CPN1: variants seen among roughly 807,000 people sequenced by gnomAD.
CPN1 encodes the protein carboxypeptidase N catalytic chain.
CPN1 carries 37 observed loss-of-function variants against 46.4 expected under a neutral mutation model. The observed-to-expected ratio is 0.80, with a 90% CI of 0.61 to 1.05. CPN1 has a LOEUF of 1.05. CPN1 is among the 50% of genes least tolerant of loss of function. The pLI is 0.00. For missense variants in CPN1, 563 were observed against 602.6 expected (o/e 0.93, Z 0.69); for synonymous variants, 224 against 235.4 (o/e 0.95, Z 0.44).
intron 8 of CPN1, 116 bp downstream of exon 8, chr10:100,048,642 T>C: frequency 1.2e-6 from 1 of 814,932 alleles, no homozygotes. Context: ...GAGGCTGCAG[T>C]GAGCCACAGT....
Position 100,056,252 on chromosome 10 carries a change from T to C in CPN1, c.1011+761A>G, listed in dbSNP as rs77821833. Among the ~76,000 whole-genome samples, 475 of 152,348 alleles carry C rather than the reference T, an allele frequency of 3.1e-3. 12 individuals carry two copies. In the East Asian group the frequency reaches 0.056, roughly 18 times the overall value. On this transcript the variant is annotated intron_variant, in intron 6 of 8. Transcript: ENST00000370418. ...GCATTTCCCTAATGATTAGTGGTGCTGAGCATTTTTCATATTCTTTTTGTT... is the reference window on the plus strand; with the variant it reads ...GCATTTCCCTAATGATTAGTGGTGCCGAGCATTTTTCATATTCTTTTTGTT...
chr10:100,059,478 G>A (rs1359838622), intron 5 of CPN1, among the ~76,000 whole-genome samples: 1 of 151,016 alleles, frequency 6.6e-6, no homozygotes, highest in Non-Finnish European at 1.5e-5. Flanking sequence ...TCCAAAGAAG[G>A]TATATAAATA....
In CPN1 at chr10:100,054,559, G is replaced by A. The variant is rs1564771839; in HGVS notation, c.1012-113C>T. 3.6e-6 allele frequency: 3 copies of A among 832,464 alleles called. No homozygotes were observed. The South Asian group carries it at 4.2e-5, about 12-fold the overall frequency. The allele number at this position is 832,464 out of a possible 1,614,324, so 51.6% of individuals were successfully genotyped here. A position where few individuals can be genotyped will look rare whatever the true frequency, so the allele number is the denominator to read the frequency against. On this transcript the variant is annotated intron_variant, in intron 6 of 8. Coordinates refer to ENST00000370418, the MANE Select transcript of CPN1 (RefSeq NM_001308.3). ...TTTTGTATTTTATCTTCACAAAGAT[G>A]ATGGTAATAGTCCCTTAACTGGTCT...
Position 100,063,609 on chromosome 10 carries a change from C to T in CPN1, c.871+5G>A. On this transcript the variant is annotated splice_donor_5th_base_variant and intron_variant, in intron 5 of 8. Coordinates refer to ENST00000370418, the MANE Select transcript of CPN1 (RefSeq NM_001308.3). ...AGCTTGAGCAGTTCCCAGGACTCCC[C>T]TTACCCTTGCTGAGAGAATACCAGG... The T allele has an allele frequency of 6.2e-7, 1 of 1,606,176 alleles. No individual in the cohort carries two copies. Among genetic ancestry groups the T allele is most frequent in the African/African-American group, 1.3e-5 (1 of 74,880 alleles).
At chr10:100,051,388 G>A (rs1022732459) in intron 7 of CPN1, among the ~76,000 whole-genome samples, 2 of 152,052 alleles carry the variant, frequency 1.3e-5, no homozygotes, top group Non-Finnish European at 2.9e-5. Flanking sequence ...AGTGGTTAGC[G>A]AGTGTTGTAT....
intron 2 of CPN1, among the ~76,000 whole-genome samples, chr10:100,074,466 T>C (rs1158148646): frequency 6.6e-6 from 1 of 152,014 alleles, no homozygotes; most frequent in Non-Finnish European, 1.5e-5. Flanking sequence ...TGGGCAGGAC[T>C]GTGCAATGGC....
intron 5 of CPN1, among the ~76,000 whole-genome samples, chr10:100,057,769 A>T (rs2041393542): frequency 6.6e-6 from 1 of 152,110 alleles, no homozygotes; most frequent in African/African-American, 2.4e-5. Flanking sequence ...GGTGATGAGA[A>T]ATAACGTGAG....
At chr10:100,056,763 G>A (rs1194715483) in intron 6 of CPN1, among the ~76,000 whole-genome samples, 1 of 151,462 alleles carries the variant, frequency 6.6e-6, no homozygotes, top group Non-Finnish European at 1.5e-5. Context: ...TGTTGCCCAG[G>A]CTGGTCTCAA....
At chr10:100,067,321 A>T (rs765158487) in intron 3 of CPN1, among the ~76,000 whole-genome samples, 28 of 152,074 alleles carry the variant, frequency 1.8e-4, no homozygotes, top group Non-Finnish European at 3.4e-4. Context: ...TCACCATGTT[A>T]GCCAGGCTGG....
intron 5 of CPN1, among the ~76,000 whole-genome samples, chr10:100,062,236 A>G (rs915088587): frequency 4.6e-5 from 7 of 151,970 alleles, no homozygotes; most frequent in African/African-American, 1.7e-4. Context: ...CTATTCTTCA[A>G]TCCAGTGAAG....
Position 100,069,616 on chromosome 10 carries a change from C to A in CPN1, c.576+98G>T, listed in dbSNP as rs1038467815. The A allele has an allele frequency of 2.7e-5, 38 of 1,408,560 alleles. 1 individual carries two copies. Among genetic ancestry groups the A allele is most frequent in the Non-Finnish European group, 3.8e-5 (38 of 995,916 alleles). The allele number at this position is 1,408,560 out of a possible 1,614,324, so 87.3% of individuals were successfully genotyped here. On this transcript the variant is annotated intron_variant, in intron 3 of 8. Transcript: ENST00000370418. ...TACTGAGTTGAGTTGATGCTTAATT[C>A]TTGCTTGTTTAGTTGATGTAAAGAT... is the stretch of plus-strand genomic sequence containing the variant.
At position 100,054,456 on chromosome 10, in the gene CPN1, C is replaced by G. The variant is rs376630652; in HGVS notation, c.1012-10G>C. On this transcript the variant is annotated splice_polypyrimidine_tract_variant and intron_variant, in intron 6 of 8. Transcript: ENST00000370418. The stretch of plus-strand genomic sequence containing the variant: ...TGATGCCCTGGTGAACCTGCAGGAA[C>G]AAGTATATAGTTATGATCATAAAAC... The G allele has an allele frequency of 1.2e-5, 19 of 1,599,578 alleles. No individual in the cohort carries two copies. The African/African-American group carries it at 2.5e-4, about 21-fold the overall frequency.
At position 100,054,466 on chromosome 10, in the gene CPN1, G is replaced by C. The variant is rs757787223; in HGVS notation, c.1012-20C>G. 3.2e-6 allele frequency: 5 copies of C among 1,576,776 alleles called. No homozygotes were observed. In the African/African-American group the frequency reaches 5.4e-5, roughly 17 times the overall value. On this transcript the variant is annotated intron_variant, in intron 6 of 8. Transcript: ENST00000370418. ...GTGAACCTGCAGGAACAAGTATATA[G>C]TTATGATCATAAAACATTTGTACCA...
chr10:100,044,218 T>C (rs561186061), intron 8 of CPN1, among the ~76,000 whole-genome samples: 1 of 152,192 alleles, frequency 6.6e-6, no homozygotes, highest in South Asian at 2.1e-4. Flanking sequence ...TATTTACCAA[T>C]TCCTATTTAG....
intron 1 of CPN1, among the ~76,000 whole-genome samples, chr10:100,076,545 G>T (rs1462398839): frequency 1.3e-5 from 2 of 152,226 alleles, no homozygotes; most frequent in Admixed American, 6.5e-5. Flanking sequence ...AATCTTTCAG[G>T]ATAAGGATGT....
intron 8 of CPN1, among the ~76,000 whole-genome samples, chr10:100,046,799 T>C (rs553682183): frequency 1.3e-5 from 2 of 149,924 alleles, no homozygotes; most frequent in Admixed American, 6.7e-5. Flanking sequence ...AATGGCCGGG[T>C]GCGGTGGCTC....
intron 4 of CPN1, 127 bp from the exon 5 acceptor site, chr10:100,063,852 T>A: frequency 1.4e-6 from 1 of 735,358 alleles, no homozygotes. Flanking sequence ...TTTGCTTTAG[T>A]GAAAGAAAAT....
intron 8 of CPN1, among the ~76,000 whole-genome samples, chr10:100,045,044 T>C (rs2041300357): frequency 1.3e-5 from 2 of 152,166 alleles, no homozygotes; most frequent in South Asian, 4.1e-4. Flanking sequence ...CCCAGACAGA[T>C]GGATATCTGC....
At chr10:100,070,138 G>A (rs531915688) in intron 2 of CPN1, among the ~76,000 whole-genome samples, 2 of 151,764 alleles carry the variant, frequency 1.3e-5, no homozygotes, top group East Asian at 4.0e-4. Context: ...TGGTTGCCCA[G>A]GCTGGTATCA....
Sources: gnomAD v4.1 joint callset for allele counts (sites outside exome capture counted in the v4.1 genomes callset) on GRCh38, gnomAD v4.1.1 for gene constraint, MANE v1.5 for transcripts, NCBI Gene and HGNC (gene_info 2026-07-23, HGNC 2026-07-21) for gene names.